The following SLC4A8 variants were observed in gnomAD, a reference collection of about 807,000 sequenced individuals.
The protein encoded by SLC4A8 is solute carrier family 4 member 8.
A neutral mutation model predicts 125.0 loss-of-function variants in SLC4A8; 40 were observed. The observed-to-expected ratio is 0.32, with a 90% CI of 0.25 to 0.42. The LOEUF is 0.42. Ranked by LOEUF, SLC4A8 falls within the 10% of genes least tolerant of loss-of-function variation. SLC4A8 has a pLI of 1.00. For synonymous variants in SLC4A8, 456 were observed against 476.0 expected (o/e 0.96, Z 0.55); for missense variants, 863 against 1,355.1 (o/e 0.64, Z 5.70).
At chr12:51,485,728 A>C in intron 16 of SLC4A8, 59 bp from the exon 17 acceptor site, 1 of 885,754 alleles carries the variant, frequency 1.1e-6, no homozygotes, top group East Asian at 2.4e-5. Context: ...TACAATACTA[A>C]CCTCTTTTCT....
intron 13 of SLC4A8, 29 bp downstream of exon 13, chr12:51,470,554 A>G: frequency 6.2e-7 from 1 of 1,602,196 alleles, no homozygotes. Context: ...TGAAAACTCT[A>G]ACCAGATTTA....
At chr12:51,476,766 TAAA>T (rs1950865878) in intron 16 of SLC4A8, among the ~76,000 whole-genome samples, 1 of 152,002 alleles carries the variant, frequency 6.6e-6, no homozygotes, top group Admixed American at 6.6e-5. Context: ...CTGCAGTAAA[TAAA>T]AAACCTTCTT....
chr12:51,453,623 G>A lies in SLC4A8; in HGVS notation c.498G>A (p.Leu166=). 6.2e-7 allele frequency: 1 copy of A among 1,614,176 alleles called. No individual in the cohort carries two copies. Among genetic ancestry groups the A allele is most frequent in the Non-Finnish European group, 8.5e-7 (1 of 1,180,000 alleles). Residue 166 remains leucine, a synonymous_variant, in exon 5 of 25, where the codon CTG becomes CTA. Transcript: ENST00000453097. The stretch of plus-strand genomic sequence containing the variant: ...TGGCAACCCTTTCATTGCACAGCCT[G>A]TTTGAGCTAAGGAGCTGCCTTATTA... ...PYVATLSLHS[L]FELRSCLING...
chr12:51,443,114 GT>G (rs1411575067), intron 2 of SLC4A8, among the ~76,000 whole-genome samples: 2 of 152,094 alleles, frequency 1.3e-5, no homozygotes, highest in South Asian at 2.1e-4. Context: ...AAGAATATGA[GT>G]TTTTTGTTTT....
At chr12:51,481,596 A>G (rs981517699) in intron 16 of SLC4A8, among the ~76,000 whole-genome samples, 1 of 152,096 alleles carries the variant, frequency 6.6e-6, no homozygotes, top group Non-Finnish European at 1.5e-5. Flanking sequence ...GGATGGGAGT[A>G]GATAAAACTG....
At chr12:51,487,952 C>T (rs2138390139) in intron 17 of SLC4A8, among the ~76,000 whole-genome samples, 1 of 152,212 alleles carries the variant, frequency 6.6e-6, no homozygotes, top group East Asian at 1.9e-4. Context: ...TTATATTTGT[C>T]TTTAGAAGTC....
At chr12:51,432,544 G>A (rs377478201) in intron 1 of SLC4A8, among the ~76,000 whole-genome samples, 18 of 152,104 alleles carry the variant, frequency 1.2e-4, no homozygotes, top group African/African-American at 3.9e-4. Context: ...CGAACATGGC[G>A]AAACCCAGTC....
Position 51,512,104 on chromosome 12 carries a change from G to A in SLC4A8, c.*4666G>A, listed in dbSNP as rs1471633142. ...CTGGTAACCAGCTTACAGACCTTCT[G>A]TCAGGTTGGCTTACATTATCATCAA... is the stretch of plus-strand genomic sequence containing the variant. On this transcript the variant is annotated 3_prime_UTR_variant, in exon 25 of 25. Transcript: ENST00000453097. The A allele has an allele frequency of 6.6e-6, 1 of 152,212 alleles. No individual in the cohort carries two copies. Among genetic ancestry groups the A allele is most frequent in the Non-Finnish European group, 1.5e-5 (1 of 68,044 alleles). 9.4% of individuals were successfully genotyped at this position (152,212 alleles called of 1,614,324 possible). A position where few individuals can be genotyped will look rare whatever the true frequency, so the allele number is the denominator to read the frequency against.
In SLC4A8 at chr12:51,507,551, C is replaced by G. The variant is rs1236995741; in HGVS notation, c.*113C>G. 14 of 699,436 alleles carry G rather than the reference C, an allele frequency of 2.0e-5. No individual in the cohort carries two copies. The highest frequency in any genetic ancestry group is 3.0e-5 in the Non-Finnish European group (14 of 459,032). 43.3% of individuals were successfully genotyped at this position (699,436 alleles called of 1,614,324 possible). Reference sequence around the variant, plus strand: ...AAGCAAGACCAAGTCTGGCCCTGTCCTTGGTCATCTCAAAGCCATGCCGAA... The same window carrying G: ...AAGCAAGACCAAGTCTGGCCCTGTCGTTGGTCATCTCAAAGCCATGCCGAA... On this transcript the variant is annotated 3_prime_UTR_variant, in exon 25 of 25. Coordinates refer to ENST00000453097, the MANE Select transcript of SLC4A8 (RefSeq NM_001039960.3).
intron 1 of SLC4A8, chr12:51,391,552 C>T (rs1286018469): frequency 6.5e-6 from 1 of 152,718 alleles, no homozygotes; most frequent in Non-Finnish European, 1.5e-5. Flanking sequence ...TCGGGGAGCT[C>T]AGGGGGGCCC....
In SLC4A8 at chr12:51,489,756, C is replaced by T. The variant is rs1951260246; in HGVS notation, c.2505C>T (p.Cys835=). 3.7e-6 allele frequency: 6 copies of T among 1,614,160 alleles called. No individual in the cohort carries two copies. In the East Asian group the frequency reaches 1.3e-4, roughly 36 times the overall value. The change falls in exon 19 of 25, where the codon TGC becomes TGT. Residue 835 remains cysteine (C), a synonymous_variant. Transcript: ENST00000453097. The part of the protein sequence containing the change: ...LLMVAIMLGV[C]SIMGLPWFVA... ...TGGTGGCCATCATGCTGGGTGTCTGCTCCATCATGGGCCTGCCCTGGTTTG... is the reference window on the plus strand; with the variant it reads ...TGGTGGCCATCATGCTGGGTGTCTGTTCCATCATGGGCCTGCCCTGGTTTG...
At chr12:51,469,898 A>G (rs1340004683) in intron 12 of SLC4A8, 110 bp downstream of exon 12, 3 of 945,862 alleles carry the variant, frequency 3.2e-6, no homozygotes, top group Non-Finnish European at 4.9e-6. Flanking sequence ...AAGAGATTGG[A>G]TTTTTCCTCT....
chr12:51,470,383 T>C lies in SLC4A8; in HGVS notation c.1525-9T>C, dbSNP rs1383532334. ...CTATGGACTCAGTGATGACTTTTTT[T>C]CCTCTCAGAGTGCAATTGAATCCTT... On this transcript the variant is annotated splice_polypyrimidine_tract_variant and intron_variant, in intron 12 of 24. Transcript: ENST00000453097. 1 of 1,613,824 alleles carries C rather than the reference T, an allele frequency of 6.2e-7. No homozygotes were observed. Among genetic ancestry groups the C allele is most frequent in the Non-Finnish European group, 8.5e-7 (1 of 1,179,756 alleles).
chr12:51,495,181 A>T, intron 21 of SLC4A8, 63 bp downstream of exon 21: 1 of 1,386,810 alleles, frequency 7.2e-7, no homozygotes, highest in South Asian at 1.3e-5. Flanking sequence ...GTAAAATATT[A>T]TAACTTTAAA....
intron 22 of SLC4A8, chr12:51,501,715 C>T (rs1445006143): frequency 6.6e-6 from 1 of 152,130 alleles, no homozygotes; most frequent in Non-Finnish European, 1.5e-5. Flanking sequence ...ATTTTTAGTT[C>T]TTTGAGAAAT....
At chr12:51,391,778 C>G (rs1047752148) in intron 1 of SLC4A8, 2 of 152,282 alleles carry the variant, frequency 1.3e-5, no homozygotes, top group African/African-American at 2.4e-5. Context: ...GCTGCGGGCC[C>G]GGGAACTCCC....
chr12:51,434,440 C>T (rs939814804), intron 1 of SLC4A8, among the ~76,000 whole-genome samples: 3 of 152,186 alleles, frequency 2.0e-5, no homozygotes, highest in African/African-American at 7.2e-5. Flanking sequence ...ACAAAGTCCA[C>T]ACATTCACAT....
intron 13 of SLC4A8, among the ~76,000 whole-genome samples, 196 bp from the exon 14 acceptor site, chr12:51,471,091 T>C (rs565412680): frequency 1.3e-5 from 2 of 152,156 alleles, no homozygotes; most frequent in Non-Finnish European, 2.9e-5. Flanking sequence ...AGTTTTCGTA[T>C]CCTTGCGCAT....
chr12:51,462,244 A>G (rs1224489468), intron 9 of SLC4A8, 66 bp from the exon 10 acceptor site: 1 of 1,383,582 alleles, frequency 7.2e-7, no homozygotes, highest in Non-Finnish European at 1.0e-6. Context: ...TTTTCACCAT[A>G]TCCATTGGTG....
Sources: allele counts gnomAD v4.1 joint callset (sites outside exome capture counted in the v4.1 genomes callset), GRCh38; gene constraint gnomAD v4.1.1; transcripts MANE v1.5; gene names NCBI Gene and HGNC (gene_info 2026-07-23, HGNC 2026-07-21).